Variants in NETO1 observed in about 807,000 individuals in gnomAD.
NETO1 encodes the protein neuropilin and tolloid-like protein 1.
Under a neutral mutation model 61.3 loss-of-function variants are expected in NETO1, and 26 were observed. That is an observed-to-expected ratio of 0.42 (90% CI 0.31 to 0.59). The LOEUF (loss-of-function observed/expected upper bound fraction) is 0.59. NETO1 is among the 20% of genes least tolerant of loss of function. The pLI, the probability that NETO1 is intolerant of heterozygous loss-of-function variation, is 0.12. For missense variants in NETO1, 531 were observed against 662.8 expected (o/e 0.80, Z 2.18); for synonymous variants, 225 against 225.8 (o/e 1.00, Z 0.03).
At chr18:72,762,820 A>AGTAACTCCTAAACCTT (rs2071022681) in intron 7 of NETO1, among the ~76,000 whole-genome samples, 1 of 152,196 alleles carries the variant, frequency 6.6e-6, no homozygotes, top group African/African-American at 2.4e-5. Flanking sequence ...TCCTAAACCT[A>AGTAACTCCTAAACCTT]TACATTACTA....
rs184150298 is a variant in NETO1, at chr18:72,810,000, C to A, written c.470-15596G>T. Among the ~76,000 whole-genome samples the A allele has an allele frequency of 7.9e-5, 12 of 152,268 alleles. No individual in the cohort carries two copies. In the East Asian group the frequency reaches 2.1e-3, roughly 27 times the overall value. ...TAAATAATGGTAAAACCAAGCTAAT[C>A]TAAATATGTATGAAACTTTTTCTAA... On this transcript the variant is annotated intron_variant, in intron 4 of 10. Transcript: ENST00000327305.
rs1300069345 is a variant in NETO1, at chr18:72,744,366, CTATT to C, written c.*3809_*3812del. 1.3e-5 allele frequency: 2 copies of C among 152,124 alleles called. No homozygotes were observed. Among genetic ancestry groups the C allele is most frequent in the African/African-American group, 4.8e-5 (2 of 41,432 alleles). The allele number at this position is 152,124 out of a possible 1,614,324, so 9.4% of individuals were successfully genotyped here. On this transcript the variant is annotated 3_prime_UTR_variant, in exon 11 of 11. Transcript: ENST00000327305. ...GGATTATTTATAAAAACATTTCTGG[CTATT>C]TTAACAGTGTACTTTTATTTTTCTA...
chr18:72,753,997 A>C (rs998164656), intron 8 of NETO1, among the ~76,000 whole-genome samples: 2 of 152,174 alleles, frequency 1.3e-5, no homozygotes, highest in African/African-American at 4.8e-5. Flanking sequence ...TAATTATTGC[A>C]ATGTATTGTT....
At chr18:72,796,889 T>C (rs1046787256) in intron 4 of NETO1, among the ~76,000 whole-genome samples, 4 of 152,244 alleles carry the variant, frequency 2.6e-5, no homozygotes, top group Non-Finnish European at 5.9e-5. Context: ...AATTTGTTTC[T>C]TCATCTAAAT....
chr18:72,815,928 G>A (rs981415387), intron 4 of NETO1, among the ~76,000 whole-genome samples: 6 of 152,202 alleles, frequency 3.9e-5, no homozygotes, highest in Non-Finnish European at 8.8e-5. Context: ...TTTTACTAAT[G>A]AGAGTACTCA....
intron 4 of NETO1, among the ~76,000 whole-genome samples, chr18:72,851,684 G>A (rs570262999): frequency 2.0e-4 from 30 of 152,218 alleles, no homozygotes; most frequent in African/African-American, 4.8e-4. Context: ...TGGACATTGC[G>A]AGTGGAAAAA....
At chr18:72,771,097 A>T (rs949239399) in intron 7 of NETO1, among the ~76,000 whole-genome samples, 7 of 152,164 alleles carry the variant, frequency 4.6e-5, no homozygotes, top group African/African-American at 1.7e-4. Context: ...AAATTTAGTT[A>T]CTGAGATTAT....
chr18:72,750,857 C>A (rs907532182), intron 8 of NETO1, among the ~76,000 whole-genome samples: 5 of 123,598 alleles, frequency 4.0e-5, no homozygotes, highest in Admixed American at 9.3e-5. Flanking sequence ...CATTGCCCAG[C>A]ATCTCAGCTT....
At chr18:72,829,153 TA>T (rs1203119724) in intron 4 of NETO1, among the ~76,000 whole-genome samples, 1 of 152,156 alleles carries the variant, frequency 6.6e-6, no homozygotes, top group African/African-American at 2.4e-5. Context: ...ACAATCATTA[TA>T]AAAAAAGAAT....
At chr18:72,779,883 T>C (rs1447962769) in intron 7 of NETO1, among the ~76,000 whole-genome samples, 1 of 152,222 alleles carries the variant, frequency 6.6e-6, no homozygotes, top group African/African-American at 2.4e-5. Flanking sequence ...ATCAAGGTGC[T>C]GGCAGATTTG....
intron 6 of NETO1, among the ~76,000 whole-genome samples, chr18:72,787,672 G>A (rs569307967): frequency 6.6e-6 from 1 of 152,266 alleles, no homozygotes; most frequent in East Asian, 1.9e-4. Context: ...AATCATTTAA[G>A]ATGAAGAGAA....
At chr18:72,816,729 G>A (rs2073043808) in intron 4 of NETO1, among the ~76,000 whole-genome samples, 1 of 152,216 alleles carries the variant, frequency 6.6e-6, no homozygotes, top group South Asian at 2.1e-4. Context: ...CTTCCTGGTA[G>A]GAGTGACTAC....
In NETO1 at chr18:72,830,318, A is replaced by G. The variant is rs1432732249; in HGVS notation, c.469+28508T>C. On this transcript the variant is annotated intron_variant, in intron 4 of 10. Transcript: ENST00000327305. This position sits in a 1 kb window ranked among gnomAD's most constrained non-coding sequence, Gnocchi z 4.9. ...AAGGCTGTTGAGGCTGCAGCCACACACTCAGCACCCTGGACAGCGTCCAAA... is the reference window on the plus strand; with the variant it reads ...AAGGCTGTTGAGGCTGCAGCCACACGCTCAGCACCCTGGACAGCGTCCAAA... Among the ~76,000 whole-genome samples, 1 of 152,064 alleles carries G rather than the reference A, an allele frequency of 6.6e-6. No individual in the cohort carries two copies. Among genetic ancestry groups the G allele is most frequent in the African/African-American group, 2.4e-5 (1 of 41,388 alleles).
At chr18:72,780,005 A>G (rs1488286483) in intron 7 of NETO1, among the ~76,000 whole-genome samples, 1 of 152,118 alleles carries the variant, frequency 6.6e-6, no homozygotes, top group African/African-American at 2.4e-5. Context: ...TTAGAGGACC[A>G]ACACCTATGA....
rs2070382658 is a variant in NETO1, at chr18:72,744,135, CAAGA to C, written c.*4040_*4043del. On this transcript the variant is annotated 3_prime_UTR_variant, in exon 11 of 11. Coordinates refer to ENST00000327305, the MANE Select transcript of NETO1 (RefSeq NM_138966.5). Reference sequence around the variant, plus strand: ...GAGCATTTACCTCTTTAATAATACACAAGAAAGTACAGAATCAGAGGCTACAAGA... The same window carrying C: ...GAGCATTTACCTCTTTAATAATACACAAGTACAGAATCAGAGGCTACAAGA... 1 of 152,110 alleles carries C rather than the reference CAAGA, an allele frequency of 6.6e-6. No individual in the cohort carries two copies. Among genetic ancestry groups the C allele is most frequent in the African/African-American group, 2.4e-5 (1 of 41,418 alleles). 9.4% of individuals were successfully genotyped at this position (152,110 alleles called of 1,614,324 possible).
intron 7 of NETO1, among the ~76,000 whole-genome samples, chr18:72,760,697 G>T (rs537606504): frequency 6.6e-6 from 1 of 152,082 alleles, no homozygotes; most frequent in Non-Finnish European, 1.5e-5. Flanking sequence ...TTACCCAAGC[G>T]ACTTAATAAT....
At chr18:72,790,603 TC>T (rs1295120522) in intron 6 of NETO1, among the ~76,000 whole-genome samples, 1 of 152,048 alleles carries the variant, frequency 6.6e-6, no homozygotes, top group Non-Finnish European at 1.5e-5. Flanking sequence ...CTTGGATTCC[TC>T]CGGTGAAATC....
intron 8 of NETO1, among the ~76,000 whole-genome samples, chr18:72,755,035 CT>C (rs2070741184): frequency 2.0e-5 from 3 of 152,206 alleles, no homozygotes; most frequent in South Asian, 2.1e-4. Flanking sequence ...ATTTTTCTTT[CT>C]GAAAAAAATA....
intron 4 of NETO1, among the ~76,000 whole-genome samples, chr18:72,820,828 G>A (rs1242683511): frequency 6.6e-6 from 1 of 152,128 alleles, no homozygotes; most frequent in African/African-American, 2.4e-5. Flanking sequence ...CTCTTCTTGG[G>A]TCTTGAGTCG....
Sources: gnomAD v4.1 joint callset for allele counts (sites outside exome capture counted in the v4.1 genomes callset) on GRCh38, gnomAD v4.1.1 for gene constraint, Gnocchi (gnomAD v3.1) non-coding constraint, MANE v1.5 for transcripts, NCBI Gene and HGNC (gene_info 2026-07-23, HGNC 2026-07-21) for gene names.